The following LAMTOR3 variants were observed in gnomAD, a reference collection of about 807,000 sequenced individuals.
The protein encoded by LAMTOR3 is late endosomal/lysosomal adaptor, MAPK and MTOR activator 3.
LAMTOR3 carries 14 observed loss-of-function variants against 20.3 expected under a neutral mutation model. That is an observed-to-expected ratio of 0.69 (90% CI 0.46 to 1.08). The LOEUF is 1.08. Ranked by LOEUF, LAMTOR3 falls within the 50% of genes least tolerant of loss-of-function variation. LAMTOR3 has a pLI of 0.00. For missense variants in LAMTOR3, 125 were observed against 143.7 expected, an observed-to-expected ratio of 0.87 and a Z score of 0.67; for synonymous variants, 40 against 49.4, an observed-to-expected ratio of 0.81 and a Z score of 0.80.
At chr4:99,885,773 C>A in intron 4 of LAMTOR3, 98 bp from the exon 5 acceptor site, 1 of 1,005,934 alleles carries the variant, frequency 9.9e-7, no homozygotes, top group Non-Finnish European at 1.5e-6. Context: ...AAATTGAACA[C>A]AAAGGTTATG....
chr4:99,885,109 A>G (rs1242726887), intron 5 of LAMTOR3, among the ~76,000 whole-genome samples: 1 of 152,218 alleles, frequency 6.6e-6, no homozygotes, highest in East Asian at 1.9e-4. Flanking sequence ...TTTCCCACAA[A>G]TAATAATCTC....
chr4:99,882,081 A>AT lies in LAMTOR3; in HGVS notation c.302-15dup. The AT allele has an allele frequency of 6.7e-7, 1 of 1,499,442 alleles. No homozygotes were observed. The highest frequency in any genetic ancestry group is 9.1e-7 in the Non-Finnish European group (1 of 1,103,966). The allele number at this position is 1,499,442 out of a possible 1,614,324, so 92.9% of individuals were successfully genotyped here. On this transcript the variant is annotated splice_polypyrimidine_tract_variant and intron_variant, in intron 6 of 6. Transcript: ENST00000499666. ...TGACAATTAGTCCTAAAATAAAGAG[A>AT]TTAAGAAAATTACATGTTAGAAAAA...
rs1725073831 is a variant in LAMTOR3 at position 99,893,976 on chromosome 4, T to C, written c.-13A>G. 5.2e-6 allele frequency: 8 copies of C among 1,549,964 alleles called. No individual in the cohort carries two copies. The highest frequency in any genetic ancestry group is 2.5e-5 in the East Asian group (1 of 40,104). On this transcript the variant is annotated 5_prime_UTR_variant, in exon 2 of 7. Transcript: ENST00000499666. ...TCACATCCGCCATGATGAACCCCCT[T>C]CTCTCGCAGGATCAATCTCCACGCC...
chr4:99,890,961 C>A (rs1004078866), intron 3 of LAMTOR3, among the ~76,000 whole-genome samples: 28 of 152,118 alleles, frequency 1.8e-4, no homozygotes, highest in South Asian at 6.2e-4. Context: ...ATGAGATCCC[C>A]ATTGTCTGAA....
chr4:99,894,068 A>C, intron 1 of LAMTOR3, 68 bp from the exon 2 acceptor site: 3 of 1,011,420 alleles, frequency 3.0e-6, no homozygotes, highest in Non-Finnish European at 4.3e-6. Flanking sequence ...ACAACTTAAT[A>C]CGCGAGATCA....
intron 6 of LAMTOR3, among the ~76,000 whole-genome samples, chr4:99,883,811 A>G (rs1045577716): frequency 6.6e-6 from 1 of 151,546 alleles, no homozygotes; most frequent in African/African-American, 2.4e-5. Flanking sequence ...TTACCCATAC[A>G]CTGTCTCATT....
intron 2 of LAMTOR3, among the ~76,000 whole-genome samples, chr4:99,892,539 T>C (rs917930740): frequency 6.6e-6 from 1 of 152,184 alleles, no homozygotes. Flanking sequence ...TATAAAAATA[T>C]GCCTTCCATT....
intron 3 of LAMTOR3, among the ~76,000 whole-genome samples, 191 bp from the exon 4 acceptor site, chr4:99,887,545 T>C (rs1265501757): frequency 6.6e-6 from 1 of 152,198 alleles, no homozygotes; most frequent in African/African-American, 2.4e-5. Flanking sequence ...GAAATGTTTA[T>C]AATATTTACA....
At chr4:99,882,436 C>T (rs914415976) in intron 6 of LAMTOR3, among the ~76,000 whole-genome samples, 1 of 151,958 alleles carries the variant, frequency 6.6e-6, no homozygotes, top group Non-Finnish European at 1.5e-5. Flanking sequence ...GTACTATAAC[C>T]CTAAATAAAG....
Position 99,887,331 on chromosome 4 carries a change from A to G in LAMTOR3, c.68T>C (p.Val23Ala). 6.4e-7 allele frequency: 1 copy of G among 1,555,116 alleles called. No individual in the cohort carries two copies. The highest frequency in any genetic ancestry group is 8.7e-7 in the Non-Finnish European group (1 of 1,145,422). ...AGGTACTCCATCTCTATCTGACACAACAATGGCATGGAGCCCTTCAACACT... is the reference window on the plus strand; with the variant it reads ...AGGTACTCCATCTCTATCTGACACAGCAATGGCATGGAGCCCTTCAACACT... ...LPSVEGLHAIVVSDRDGVPVI... is the reference protein window; with the variant it reads ...LPSVEGLHAIAVSDRDGVPVI... Residue 23 changes from valine (V) to alanine (A), a missense_variant, in exon 4 of 7, where the codon GTT becomes GCT. Physicochemically the swap from Val to Ala is moderately conservative, Grantham distance 64. Around this residue, in one of 3 missense-constraint regions of LAMTOR3, gnomAD observed 99 missense variants for 96.0 expected, o/e 1.03. Transcript: ENST00000499666.
intron 3 of LAMTOR3, among the ~76,000 whole-genome samples, chr4:99,891,339 C>T (rs577765402): frequency 2.0e-5 from 3 of 152,200 alleles, no homozygotes; most frequent in Admixed American, 6.5e-5. Flanking sequence ...TAATACCACT[C>T]CCTGCAGAAG....
chr4:99,887,923 T>C (rs1724958307), intron 3 of LAMTOR3, among the ~76,000 whole-genome samples: 1 of 152,224 alleles, frequency 6.6e-6, no homozygotes, highest in South Asian at 2.1e-4. Context: ...AGGAGGCTGA[T>C]GCAGACAGAC....
chr4:99,882,010 A>G lies in LAMTOR3; in HGVS notation c.359T>C (p.Val120Ala). Residue 120 changes from valine (V) to alanine (A), a missense_variant, in exon 7 of 7, where the codon GTT (valine) becomes GCT (alanine). Physicochemically the swap from Val to Ala is moderately conservative, Grantham distance 64. Around this residue, in one of 3 missense-constraint regions of LAMTOR3, gnomAD observed 22 missense variants for 31.2 expected, o/e 0.70. Coordinates refer to ENST00000499666, the MANE Select transcript of LAMTOR3 (RefSeq NM_021970.4). ...LAPLFEELRQVVEVS is the reference protein window; with the variant it reads ...LAPLFEELRQAVEVS ...ACTGTCAGATTAAGAAACTTCCACA[A>G]CTTGTCTCAGTTCTTCAAACAATGG... 2 of 1,604,102 alleles carry G rather than the reference A, an allele frequency of 1.2e-6. No individual in the cohort carries two copies. Among genetic ancestry groups the G allele is most frequent in the Non-Finnish European group, 1.7e-6 (2 of 1,175,456 alleles).
rs1051299960 is a variant in LAMTOR3, at chr4:99,880,887, G to T, written c.*1107C>A. 1 of 152,222 alleles carries T rather than the reference G, an allele frequency of 6.6e-6. No individual in the cohort carries two copies. Among genetic ancestry groups the T allele is most frequent in the African/African-American group, 2.4e-5 (1 of 41,450 alleles). 9.4% of individuals were successfully genotyped at this position (152,222 alleles called of 1,614,324 possible). Reference sequence around the variant, plus strand: ...GATAGACTGCATTCCTGAACATAAAGGGTATATTCTAGAACTGTAGTACCT... The same window carrying T: ...GATAGACTGCATTCCTGAACATAAATGGTATATTCTAGAACTGTAGTACCT... On this transcript the variant is annotated 3_prime_UTR_variant, in exon 7 of 7. Transcript: ENST00000499666.
At chr4:99,883,267 A>G (rs573179839) in intron 6 of LAMTOR3, among the ~76,000 whole-genome samples, 8 of 152,158 alleles carry the variant, frequency 5.3e-5, no homozygotes, top group African/African-American at 1.9e-4. Context: ...AAGATGAGGT[A>G]TCTAAGAACA....
At chr4:99,891,341 C>G (rs1411617148) in intron 3 of LAMTOR3, among the ~76,000 whole-genome samples, 1 of 152,200 alleles carries the variant, frequency 6.6e-6, no homozygotes, top group Non-Finnish European at 1.5e-5. Context: ...ATACCACTCC[C>G]TGCAGAAGAG....
Position 99,878,930 on chromosome 4 carries a change from G to T in LAMTOR3, c.*3064C>A, listed in dbSNP as rs1411372890. 1 of 152,210 alleles carries T rather than the reference G, an allele frequency of 6.6e-6. No individual in the cohort carries two copies. Among genetic ancestry groups the T allele is most frequent in the Admixed American group, 6.5e-5 (1 of 15,282 alleles). 9.4% of individuals were successfully genotyped at this position (152,210 alleles called of 1,614,324 possible). The stretch of plus-strand genomic sequence containing the variant: ...TTCTTTGACATTACCAAGTTGCAAA[G>T]AATATACTTGTAAATACATACTTTT... On this transcript the variant is annotated 3_prime_UTR_variant, in exon 7 of 7. Coordinates refer to ENST00000499666, the MANE Select transcript of LAMTOR3 (RefSeq NM_021970.4).
intron 3 of LAMTOR3, among the ~76,000 whole-genome samples, chr4:99,889,339 A>G (rs1262853602): frequency 1.3e-5 from 2 of 152,254 alleles, no homozygotes; most frequent in African/African-American, 4.8e-5. Context: ...CATTTGAAAC[A>G]GTAAAGCATT....
intron 3 of LAMTOR3, among the ~76,000 whole-genome samples, chr4:99,891,224 C>A (rs1725017481): frequency 6.6e-6 from 1 of 152,148 alleles, no homozygotes; most frequent in South Asian, 2.1e-4. Flanking sequence ...ATCTCTCCGT[C>A]CCAATTTGAG....
Sources: allele counts gnomAD v4.1 joint callset (sites outside exome capture counted in the v4.1 genomes callset), GRCh38; gene constraint gnomAD v4.1.1; regional missense constraint gnomAD v4.1.1; transcripts MANE v1.5; gene names NCBI Gene and HGNC (gene_info 2026-07-23, HGNC 2026-07-21).